AUTS2: variants seen among roughly 807,000 people sequenced by gnomAD.
AUTS2 encodes the protein activator of transcription and developmental regulator AUTS2.
Under a neutral mutation model 112.4 loss-of-function variants are expected in AUTS2, and 17 were observed. The ratio of observed to expected loss-of-function variants is 0.15; its 90% CI spans 0.10 to 0.23. The LOEUF (loss-of-function observed/expected upper bound fraction) is 0.23. Ranked by LOEUF, AUTS2 falls within the 10% of genes least tolerant of loss-of-function variation. AUTS2 has a pLI of 1.00. For synonymous variants in AUTS2, 751 were observed against 702.7 expected (o/e 1.07, Z -1.09); for missense variants, 1,510 against 1,701.6 (o/e 0.89, Z 1.98).
At chr7:70,220,818 C>G (rs1205601097) in intron 4 of AUTS2, among the ~76,000 whole-genome samples, 1 of 152,210 alleles carries the variant, frequency 6.6e-6, no homozygotes, top group Non-Finnish European at 1.5e-5. Context: ...CATGTCTTCT[C>G]ATGAAAATTT....
In AUTS2 at chr7:69,602,076, GTGTGTGTGTGTGTGTGTA is replaced by G. The variant is rs1368767279; in HGVS notation, c.309+2116_309+2133del. Among the ~76,000 whole-genome samples the G allele has an allele frequency of 3.0e-3, 167 of 56,476 alleles. 1 individual carries two copies. Among genetic ancestry groups the G allele is most frequent in the East Asian group, 8.0e-3 (13 of 1,630 alleles). 37.1% of individuals were successfully genotyped at this position (56,476 alleles called of 152,430 possible). ...TGTGTGTGTGTGTGTGTGTGTGTGT[GTGTGTGTGTGTGTGTGTA>G]TATCTCACTTATGCAGTTCTTTTTG... On this transcript the variant is annotated intron_variant, in intron 1 of 18. Transcript: ENST00000342771.
intron 5 of AUTS2, among the ~76,000 whole-genome samples, chr7:70,507,150 C>G (rs1455942912): frequency 6.6e-6 from 1 of 152,194 alleles, no homozygotes; most frequent in Non-Finnish European, 1.5e-5. Context: ...CAGCCACAAA[C>G]TCAGTTTTAG....
At chr7:70,039,585 A>G (rs1224520772) in intron 2 of AUTS2, among the ~76,000 whole-genome samples, 1 of 152,090 alleles carries the variant, frequency 6.6e-6, no homozygotes, top group Non-Finnish European at 1.5e-5. Context: ...TCCTGACCTC[A>G]GGTGATCCCT....
intron 1 of AUTS2, among the ~76,000 whole-genome samples, chr7:69,637,757 C>T (rs1294274406): frequency 6.6e-6 from 1 of 152,088 alleles, no homozygotes; most frequent in Non-Finnish European, 1.5e-5. Flanking sequence ...GCAGTGAAAC[C>T]CAAGACTGGA....
chr7:70,278,316 C>T (rs1030272186), intron 4 of AUTS2, among the ~76,000 whole-genome samples: 7 of 152,222 alleles, frequency 4.6e-5, no homozygotes, highest in African/African-American at 7.2e-5. Flanking sequence ...CAGTGGCTCA[C>T]GCCTATAATC....
intron 5 of AUTS2, among the ~76,000 whole-genome samples, chr7:70,599,746 A>G (rs771381746): frequency 4.6e-5 from 7 of 152,192 alleles, no homozygotes; most frequent in Non-Finnish European, 8.8e-5. Context: ...AGGCCCAGTG[A>G]CAGTCATCAC....
intron 2 of AUTS2, among the ~76,000 whole-genome samples, chr7:70,090,331 G>C (rs1803847239): frequency 6.6e-6 from 1 of 151,578 alleles, no homozygotes; most frequent in African/African-American, 2.4e-5. Flanking sequence ...TATTTAATTA[G>C]TTAATTGTTC....
chr7:69,912,060 G>A (rs541249045), intron 2 of AUTS2, among the ~76,000 whole-genome samples: 1 of 152,206 alleles, frequency 6.6e-6, no homozygotes, highest in South Asian at 2.1e-4. Flanking sequence ...TCCCTCTTGT[G>A]CTCATGGGTG....
At chr7:70,282,779 G>A (rs2129610752) in intron 4 of AUTS2, among the ~76,000 whole-genome samples, 1 of 152,298 alleles carries the variant, frequency 6.6e-6, no homozygotes, top group Middle Eastern at 3.4e-3. Flanking sequence ...GAACCGTTAG[G>A]AGGAGGGATT....
At chr7:70,482,081 TG>T (rs1181442293) in intron 5 of AUTS2, among the ~76,000 whole-genome samples, 6 of 152,168 alleles carry the variant, frequency 3.9e-5, no homozygotes, top group Non-Finnish European at 7.4e-5. Flanking sequence ...AACCTTTCCA[TG>T]GGAGGTGGGG....
At chr7:70,037,212 A>G (rs1412806007) in intron 2 of AUTS2, among the ~76,000 whole-genome samples, 1 of 152,174 alleles carries the variant, frequency 6.6e-6, no homozygotes, top group African/African-American at 2.4e-5. Context: ...AGAGAGAATA[A>G]AACAGTGGTT....
intron 1 of AUTS2, among the ~76,000 whole-genome samples, chr7:69,690,289 A>G (rs1797270798): frequency 6.6e-6 from 1 of 152,226 alleles, no homozygotes; most frequent in African/African-American, 2.4e-5. Context: ...GATAGAAGAC[A>G]TAATTCTCTA....
At chr7:69,647,604 C>T (rs1667663067) in intron 1 of AUTS2, among the ~76,000 whole-genome samples, 1 of 152,194 alleles carries the variant, frequency 6.6e-6, no homozygotes, top group African/African-American at 2.4e-5. Context: ...AATCCTCCTG[C>T]CTCAGCTTCC....
chr7:70,466,078 A>G (rs954379401), intron 5 of AUTS2, among the ~76,000 whole-genome samples: 9 of 152,160 alleles, frequency 5.9e-5, no homozygotes, highest in Non-Finnish European at 1.2e-4. Flanking sequence ...CAGTGATTTT[A>G]AAATGACACT....
At chr7:69,808,341 T>G (rs1451144810) in intron 1 of AUTS2, among the ~76,000 whole-genome samples, 4 of 152,224 alleles carry the variant, frequency 2.6e-5, no homozygotes, top group African/African-American at 7.2e-5. Flanking sequence ...ATTTTCATTT[T>G]TAAGATTCTC....
intron 5 of AUTS2, among the ~76,000 whole-genome samples, chr7:70,578,069 A>G (rs948742895): frequency 6.6e-6 from 1 of 152,100 alleles, no homozygotes; most frequent in Non-Finnish European, 1.5e-5. Context: ...TGAACTTGTG[A>G]TCTGCCCGCC....
chr7:69,812,162 T>C lies in AUTS2; in HGVS notation c.310-87124T>C, dbSNP rs140405739. 3.3e-3 allele frequency among the ~76,000 whole-genome samples: 497 copies of C among 152,290 alleles called. 3 individuals carry two copies. The highest frequency in any genetic ancestry group is 0.011 in the African/African-American group (471 of 41,554). On this transcript the variant is annotated intron_variant, in intron 1 of 18. Coordinates refer to ENST00000342771, the MANE Select transcript of AUTS2 (RefSeq NM_015570.4). Reference sequence around the variant, plus strand: ...CAATTACAGGAGAGCATCGTGTTACTGTAAAAACACAAATAAATAAACCCA... The same window carrying C: ...CAATTACAGGAGAGCATCGTGTTACCGTAAAAACACAAATAAATAAACCCA...
At chr7:70,655,803 C>T (rs767995152) in intron 5 of AUTS2, among the ~76,000 whole-genome samples, 24 of 152,210 alleles carry the variant, frequency 1.6e-4, no homozygotes, top group Non-Finnish European at 3.1e-4. Context: ...CAACCCAGGT[C>T]TGCCACACCC....
At chr7:70,207,464 T>G (rs1810628210) in intron 4 of AUTS2, among the ~76,000 whole-genome samples, 1 of 152,230 alleles carries the variant, frequency 6.6e-6, no homozygotes. Context: ...ATTTATAATG[T>G]ACTATAATCA....
Sources: allele counts gnomAD v4.1 joint callset (sites outside exome capture counted in the v4.1 genomes callset), GRCh38; gene constraint gnomAD v4.1.1; transcripts MANE v1.5; gene names NCBI Gene and HGNC (gene_info 2026-07-23, HGNC 2026-07-21).